CNTN5: variants seen among roughly 807,000 people sequenced by gnomAD.
CNTN5 encodes the protein contactin-5.
In CNTN5, 77 loss-of-function variants were observed where a neutral mutation model predicts 129.1. The ratio of observed to expected loss-of-function variants is 0.60; its 90% CI spans 0.50 to 0.72. The LOEUF (loss-of-function observed/expected upper bound fraction) is 0.72. CNTN5 is among the 30% of genes least tolerant of loss of function. The probability of loss-of-function intolerance (pLI) is 0.00; values close to 1 mark genes in which losing one functional copy is unlikely to be tolerated. For missense variants in CNTN5, 1,478 were observed against 1,328.8 expected, an observed-to-expected ratio of 1.11 and a Z score of -1.75; for synonymous variants, 509 against 465.6, an observed-to-expected ratio of 1.09 and a Z score of -1.20.
At chr11:99,925,235 A>G (rs1193521227) in intron 7 of CNTN5, among the ~76,000 whole-genome samples, 1 of 152,198 alleles carries the variant, frequency 6.6e-6, no homozygotes, top group Non-Finnish European at 1.5e-5. Context: ...AAATAAAATC[A>G]TAATAATCAG....
At chr11:99,267,414 A>G (rs188385793) in intron 1 of CNTN5, among the ~76,000 whole-genome samples, 1 of 152,160 alleles carries the variant, frequency 6.6e-6, no homozygotes, top group Admixed American at 6.6e-5. Context: ...CAATCTTTCT[A>G]ACGCTTATAT....
Position 99,664,768 on chromosome 11 carries a change from T to C in CNTN5, c.55+108499T>C, listed in dbSNP as rs539560246. On this transcript the variant is annotated intron_variant, in intron 3 of 24. Coordinates refer to ENST00000524871, the MANE Select transcript of CNTN5 (RefSeq NM_014361.4). ...ACTCAGAGATGCCACATTTTTTCCATTTATATAATTTGAAGAAATATTTAT... is the reference window on the plus strand; with the variant it reads ...ACTCAGAGATGCCACATTTTTTCCACTTATATAATTTGAAGAAATATTTAT... Among the ~76,000 whole-genome samples the C allele has an allele frequency of 2.6e-5, 4 of 152,290 alleles. No homozygotes were observed. The East Asian group carries it at 5.8e-4, about 22-fold the overall frequency.
intron 16 of CNTN5, among the ~76,000 whole-genome samples, chr11:100,240,806 C>T (rs574818785): frequency 6.9e-4 from 105 of 152,242 alleles, no homozygotes; most frequent in Non-Finnish European, 1.3e-3. Flanking sequence ...AAGAGAATGA[C>T]TTTATAAATG....
At chr11:99,427,301 T>C (rs929036155) in intron 2 of CNTN5, among the ~76,000 whole-genome samples, 1 of 152,104 alleles carries the variant, frequency 6.6e-6, no homozygotes, top group Admixed American at 6.5e-5. Context: ...ATCTTGAAGA[T>C]AAAATATTTT....
chr11:99,619,981 G>A (rs1415318675), intron 3 of CNTN5, among the ~76,000 whole-genome samples: 8 of 138,128 alleles, frequency 5.8e-5, no homozygotes, highest in African/African-American at 1.6e-4. Context: ...AGCCGAGATC[G>A]TGCCACTGCA....
chr11:100,105,141 A>C (rs564911352), intron 13 of CNTN5, among the ~76,000 whole-genome samples: 1 of 152,326 alleles, frequency 6.6e-6, no homozygotes, highest in Admixed American at 6.5e-5. Context: ...TAACTTATTC[A>C]AAGCGATTAC....
intron 9 of CNTN5, among the ~76,000 whole-genome samples, chr11:100,009,607 A>G (rs931583941): frequency 6.6e-6 from 1 of 152,128 alleles, no homozygotes; most frequent in African/African-American, 2.4e-5. Context: ...TAGAAGAATT[A>G]GATTGGGTGT....
At chr11:99,098,173 A>G (rs920860512) in intron 1 of CNTN5, among the ~76,000 whole-genome samples, 14 of 152,098 alleles carry the variant, frequency 9.2e-5, no homozygotes, top group African/African-American at 1.9e-4. Context: ...CATGGCTTCA[A>G]TAATCTCAAA....
chr11:99,131,697 C>G (rs1359919879), intron 1 of CNTN5, among the ~76,000 whole-genome samples: 1 of 152,088 alleles, frequency 6.6e-6, no homozygotes, highest in Non-Finnish European at 1.5e-5. Flanking sequence ...AAGACTGAAG[C>G]ACAAAGAAGT....
rs75238634 is a variant in CNTN5, at chr11:100,084,633, C to G, written c.1580+10339C>G. Among the ~76,000 whole-genome samples the G allele has an allele frequency of 1.2e-3, 188 of 151,884 alleles. 2 individuals carry two copies. The highest frequency in any genetic ancestry group is 4.4e-3 in the African/African-American group (184 of 41,434). On this transcript the variant is annotated intron_variant, in intron 13 of 24. Coordinates refer to ENST00000524871, the MANE Select transcript of CNTN5 (RefSeq NM_014361.4). Reference sequence around the variant, plus strand: ...ATATACAGATGTTATCATTTGCATGCTTACATCTCTGTGTTCCAATGACAG... The same window carrying G: ...ATATACAGATGTTATCATTTGCATGGTTACATCTCTGTGTTCCAATGACAG...
At chr11:99,085,918 A>G (rs1865987855) in intron 1 of CNTN5, among the ~76,000 whole-genome samples, 1 of 152,156 alleles carries the variant, frequency 6.6e-6, no homozygotes, top group Non-Finnish European at 1.5e-5. Flanking sequence ...AGATATATAA[A>G]TACTTACCAT....
intron 1 of CNTN5, among the ~76,000 whole-genome samples, chr11:99,193,086 A>G (rs1468230910): frequency 1.3e-5 from 2 of 152,184 alleles, no homozygotes; most frequent in African/African-American, 4.8e-5. Context: ...ACATAAGCAT[A>G]AACTTAAATC....
intron 1 of CNTN5, among the ~76,000 whole-genome samples, chr11:99,096,958 G>T (rs761138513): frequency 6.6e-6 from 1 of 151,814 alleles, no homozygotes; most frequent in Non-Finnish European, 1.5e-5. Context: ...GGAATGTCCT[G>T]TTATAAGAAT....
At chr11:99,299,394 A>G (rs774040084) in intron 1 of CNTN5, among the ~76,000 whole-genome samples, 8 of 152,216 alleles carry the variant, frequency 5.3e-5, no homozygotes, top group Non-Finnish European at 8.8e-5. Context: ...GTTGGCAAGT[A>G]TATTAACAAA....
intron 3 of CNTN5, among the ~76,000 whole-genome samples, chr11:99,641,125 G>A (rs907353431): frequency 5.9e-5 from 9 of 152,234 alleles, no homozygotes; most frequent in Non-Finnish European, 1.3e-4. Flanking sequence ...ACAGATGGCT[G>A]TGAAGAGCTT....
intron 1 of CNTN5, among the ~76,000 whole-genome samples, chr11:99,295,250 A>G (rs1000707209): frequency 6.6e-6 from 1 of 152,204 alleles, no homozygotes; most frequent in African/African-American, 2.4e-5. Flanking sequence ...CACTTGACTA[A>G]GTAGTATTTT....
At chr11:100,228,134 C>G (rs1949416447) in intron 16 of CNTN5, among the ~76,000 whole-genome samples, 1 of 152,168 alleles carries the variant, frequency 6.6e-6, no homozygotes, top group Admixed American at 6.5e-5. Context: ...TAAAAATTCA[C>G]TTTCTCATAC....
intron 1 of CNTN5, among the ~76,000 whole-genome samples, chr11:99,199,770 G>A (rs867834495): frequency 6.6e-6 from 1 of 152,172 alleles, no homozygotes; most frequent in Non-Finnish European, 1.5e-5. Context: ...TCAACACAAT[G>A]GGGTGGAGAA....
At chr11:99,968,112 C>A (rs1024402243) in intron 8 of CNTN5, among the ~76,000 whole-genome samples, 6 of 151,870 alleles carry the variant, frequency 4.0e-5, no homozygotes, top group Non-Finnish European at 7.4e-5. Context: ...TTCTTTCAGT[C>A]CATGTGGGAT....
Sources: gnomAD v4.1 joint callset for allele counts (sites outside exome capture counted in the v4.1 genomes callset) on GRCh38, gnomAD v4.1.1 for gene constraint, MANE v1.5 for transcripts, NCBI Gene and HGNC (gene_info 2026-07-23, HGNC 2026-07-21) for gene names.